Variants in MDGA2 observed in about 807,000 individuals in gnomAD.
The protein encoded by MDGA2 is MAM domain-containing glycosylphosphatidylinositol anchor protein 2.
MDGA2 carries 40 observed loss-of-function variants against 117.8 expected under a neutral mutation model. The ratio of observed to expected loss-of-function variants is 0.34; its 90% CI spans 0.26 to 0.44. The LOEUF is 0.44. Among genes scored for constraint, MDGA2 ranks in the 20% least tolerant of loss-of-function variants. The pLI is 1.00. For synonymous variants in MDGA2, 452 were observed against 439.0 expected (o/e 1.03, Z -0.37); for missense variants, 1,123 against 1,250.6 (o/e 0.90, Z 1.54).
At chr14:47,314,287 C>A (rs1304206105) in intron 1 of MDGA2, among the ~76,000 whole-genome samples, 1 of 152,086 alleles carries the variant, frequency 6.6e-6, no homozygotes, top group African/African-American at 2.4e-5. Flanking sequence ...CAGGTGTACA[C>A]CATTAATATT....
chr14:47,544,279 T>C (rs1266427553), intron 1 of MDGA2, among the ~76,000 whole-genome samples: 1 of 152,176 alleles, frequency 6.6e-6, no homozygotes, highest in African/African-American at 2.4e-5. Flanking sequence ...CAGGTTAAAG[T>C]GCATTTTACT....
At chr14:47,576,649 A>G (rs1896120643) in intron 1 of MDGA2, among the ~76,000 whole-genome samples, 1 of 152,218 alleles carries the variant, frequency 6.6e-6, no homozygotes. Flanking sequence ...AGTATTGATA[A>G]TAACAAAAAT....
chr14:47,637,217 T>C (rs887130739), intron 1 of MDGA2, among the ~76,000 whole-genome samples: 3 of 152,150 alleles, frequency 2.0e-5, no homozygotes, highest in East Asian at 1.9e-4. Flanking sequence ...TTGACCAAGA[T>C]CACCCAGTTG....
At chr14:47,092,152 G>A (rs1041170) in intron 6 of MDGA2, among the ~76,000 whole-genome samples, 25,389 of 152,132 alleles carry the variant, frequency 0.17, 2,438 homozygotes, top group East Asian at 0.3. Context: ...GTGATACATC[G>A]ATGATTTGGA....
At chr14:47,416,237 A>T (rs1356800294) in intron 1 of MDGA2, among the ~76,000 whole-genome samples, 1 of 152,170 alleles carries the variant, frequency 6.6e-6, no homozygotes, top group Non-Finnish European at 1.5e-5. Context: ...CAAACATGTT[A>T]TGCATTTCCA....
intron 2 of MDGA2, among the ~76,000 whole-genome samples, chr14:47,300,829 C>T (rs939750276): frequency 6.6e-5 from 10 of 151,990 alleles, no homozygotes; most frequent in African/African-American, 2.4e-4. Flanking sequence ...TTTTAGTGCC[C>T]TTTAAAAGTC....
At chr14:47,240,588 C>T (rs1394525539) in intron 2 of MDGA2, among the ~76,000 whole-genome samples, 1 of 151,600 alleles carries the variant, frequency 6.6e-6, no homozygotes, top group Non-Finnish European at 1.5e-5. Context: ...TGAAAAGGAA[C>T]GTGGTATGGG....
chr14:47,668,669 A>G lies in MDGA2; in HGVS notation c.280+5848T>C, dbSNP rs551523418. On this transcript the variant is annotated intron_variant, in intron 1 of 16. Transcript: ENST00000399232. ...CAAAAGTTATTTTGTGGGACCATTA[A>G]GTTAATGTCAATTACAAAGAAGCTA... Among the ~76,000 whole-genome samples the G allele has an allele frequency of 2.0e-5, 3 of 152,364 alleles. No individual in the cohort carries two copies. In the East Asian group the frequency reaches 5.8e-4, roughly 29 times the overall value.
intron 1 of MDGA2, among the ~76,000 whole-genome samples, chr14:47,498,124 G>A (rs1894320737): frequency 6.6e-6 from 1 of 152,148 alleles, no homozygotes; most frequent in South Asian, 2.1e-4. Flanking sequence ...GGCTCCACAT[G>A]GGAGGCAGAA....
intron 8 of MDGA2, among the ~76,000 whole-genome samples, chr14:46,969,549 T>C (rs1340241659): frequency 1.3e-4 from 20 of 152,226 alleles, no homozygotes; most frequent in Non-Finnish European, 2.9e-4. Context: ...AAATGTCTTC[T>C]TTTGAGAAGT....
rs148521077 is a variant in MDGA2, at chr14:46,913,212, T to G, written c.2238+6800A>C. Among the ~76,000 whole-genome samples, 88 of 152,274 alleles carry G rather than the reference T, an allele frequency of 5.8e-4. 1 individual carries two copies. The highest frequency in any genetic ancestry group is 4.2e-3 in the East Asian group (22 of 5,182). On this transcript the variant is annotated intron_variant, in intron 10 of 16. Transcript: ENST00000399232. ...CCTTTCACTATTCTAATCTAAATCA[T>G]CAGTACATGCCCCAAATATGTGCCT...
chr14:47,286,824 T>TATATATATAC (rs1491236673), intron 2 of MDGA2, among the ~76,000 whole-genome samples: 70 of 104,160 alleles, frequency 6.7e-4, no homozygotes, highest in African/African-American at 2.2e-3. Flanking sequence ...TATATATATA[T>TATATATATAC]ACATATATAT....
rs58312753 is a variant in MDGA2 at position 47,350,574 on chromosome 14, C to CGT, written c.281-49026_281-49025dup. ...AACAGACATCGTGTGTGTGTGCACG[C>CGT]GTGTGTGTGTGTGCGCGCACACGTG... On this transcript the variant is annotated intron_variant, in intron 1 of 16. Coordinates refer to ENST00000399232, the MANE Select transcript of MDGA2 (RefSeq NM_001113498.3). 6.3e-4 allele frequency among the ~76,000 whole-genome samples: 96 copies of CGT among 151,778 alleles called. 1 individual carries two copies. Among genetic ancestry groups the CGT allele is most frequent in the African/African-American group, 2.2e-3 (90 of 41,432 alleles).
chr14:47,186,389 G>A (rs1343359465), intron 3 of MDGA2, among the ~76,000 whole-genome samples: 1 of 151,552 alleles, frequency 6.6e-6, no homozygotes, highest in East Asian at 1.9e-4. Context: ...GAGTAGAAGG[G>A]CTTGCCCTAT....
chr14:47,007,665 G>T (rs1887759037), intron 8 of MDGA2, among the ~76,000 whole-genome samples: 1 of 151,696 alleles, frequency 6.6e-6, no homozygotes, highest in South Asian at 2.1e-4. Context: ...TTTCCTCCAA[G>T]ATTAGAAAAT....
At chr14:47,562,324 G>C (rs1221003481) in intron 1 of MDGA2, among the ~76,000 whole-genome samples, 7 of 152,160 alleles carry the variant, frequency 4.6e-5, no homozygotes. Flanking sequence ...TCTTGATACA[G>C]CTGGCAGAAT....
chr14:46,891,450 T>C (rs1487708089), intron 10 of MDGA2, among the ~76,000 whole-genome samples: 1 of 151,652 alleles, frequency 6.6e-6, no homozygotes, highest in Non-Finnish European at 1.5e-5. Context: ...AGGTAATTGC[T>C]AACACTTACC....
At chr14:46,892,739 C>G (rs981393414) in intron 10 of MDGA2, among the ~76,000 whole-genome samples, 1 of 151,780 alleles carries the variant, frequency 6.6e-6, no homozygotes, top group East Asian at 1.9e-4. Flanking sequence ...AACTGGTCAA[C>G]AGGTAGATGA....
chr14:47,054,931 T>A (rs1019501018), intron 7 of MDGA2, among the ~76,000 whole-genome samples: 6 of 151,776 alleles, frequency 4.0e-5, no homozygotes, highest in African/African-American at 1.2e-4. Context: ...GCTTTCTGTA[T>A]CTTTTTTTTC....
Sources: allele counts gnomAD v4.1 joint callset (sites outside exome capture counted in the v4.1 genomes callset), GRCh38; gene constraint gnomAD v4.1.1; transcripts MANE v1.5; gene names NCBI Gene and HGNC (gene_info 2026-07-23, HGNC 2026-07-21).